The following CCDC7 variants were observed in gnomAD, a reference collection of about 807,000 sequenced individuals.
The protein encoded by CCDC7 is coiled-coil domain-containing protein 7.
A neutral mutation model predicts 196.9 loss-of-function variants in CCDC7; 183 were observed. The ratio of observed to expected loss-of-function variants is 0.93; its 90% confidence interval spans 0.82 to 1.05. The LOEUF is 1.05. Ranked by LOEUF, CCDC7 falls within the 50% of genes least tolerant of loss-of-function variation. The probability of loss-of-function intolerance (pLI) is 0.00; values close to 1 mark genes in which losing one functional copy is unlikely to be tolerated. For missense variants in CCDC7, 1,540 were observed against 1,482.2 expected, an observed-to-expected ratio of 1.04 and a Z score of -0.64; for synonymous variants, 525 against 484.6, an observed-to-expected ratio of 1.08 and a Z score of -1.10.
chr10:32,748,788 T>C (rs1225588730), intron 28 of CCDC7, among the ~76,000 whole-genome samples: 1 of 152,204 alleles, frequency 6.6e-6, no homozygotes, highest in Non-Finnish European at 1.5e-5. Flanking sequence ...GATAAAACCC[T>C]AGTCGGTTTG....
rs11009109 is a variant in CCDC7 at position 32,838,039 on chromosome 10, C to T, written c.3352+3141C>T. ...TGTATACATATGTAACAAACTTGCA[C>T]GTTGTGCACATGTACCTTAGAACTT... On this transcript the variant is annotated intron_variant, in intron 33 of 41. Coordinates refer to ENST00000639629, the Ensembl canonical transcript of CCDC7. 3.2e-3 allele frequency among the ~76,000 whole-genome samples: 488 copies of T among 151,960 alleles called. 1 individual carries two copies. Among genetic ancestry groups the T allele is most frequent in the African/African-American group, 0.011 (458 of 41,446 alleles).
chr10:32,499,360 C>G (rs2043488503), intron 9 of CCDC7: 1 of 152,028 alleles, frequency 6.6e-6, no homozygotes, highest in Admixed American at 6.6e-5. Flanking sequence ...ATTATTCTTT[C>G]AAAATAAATT....
intron 29 of CCDC7, among the ~76,000 whole-genome samples, chr10:32,799,366 G>C (rs1371565145): frequency 1.3e-5 from 2 of 152,172 alleles, no homozygotes; most frequent in African/African-American, 2.4e-5. Flanking sequence ...CATTGGGTAT[G>C]CTGGGTCATA....
chr10:32,597,189 A>C (rs899759611), intron 18 of CCDC7, among the ~76,000 whole-genome samples: 1 of 152,280 alleles, frequency 6.6e-6, no homozygotes, highest in Admixed American at 6.5e-5. Flanking sequence ...GGCTTTTCAC[A>C]TAGTCCCATA....
At chr10:32,546,457 C>T (rs2052473791) in intron 13 of CCDC7, among the ~76,000 whole-genome samples, 1 of 152,152 alleles carries the variant, frequency 6.6e-6, no homozygotes, top group Admixed American at 6.5e-5. Context: ...GGGGTAGAGA[C>T]AGCTAGATGT....
At chr10:32,458,725 A>G (rs1321772283) in intron 3 of CCDC7, among the ~76,000 whole-genome samples, 1 of 152,016 alleles carries the variant, frequency 6.6e-6, no homozygotes, top group Non-Finnish European at 1.5e-5. Flanking sequence ...TGCTTTGGCT[A>G]CTTAGGGTCT....
intron 18 of CCDC7, among the ~76,000 whole-genome samples, chr10:32,612,357 A>T (rs1246543482): frequency 5.0e-5 from 1 of 19,886 alleles, no homozygotes; most frequent in Admixed American, 9.2e-4. Flanking sequence ...CAATCATGTC[A>T]TCTGCAACAG....
intron 18 of CCDC7, among the ~76,000 whole-genome samples, chr10:32,592,836 G>A (rs562755105): frequency 1.3e-5 from 2 of 152,276 alleles, no homozygotes; most frequent in African/African-American, 4.8e-5. Flanking sequence ...TGCTGAAAAT[G>A]ATGGTTTCCA....
At chr10:32,866,607 AG>A (rs1161485277) in intron 41 of CCDC7, among the ~76,000 whole-genome samples, 3 of 151,690 alleles carry the variant, frequency 2.0e-5, no homozygotes, top group African/African-American at 7.2e-5. Context: ...TGAAATTAAA[AG>A]AAGGAAGAAA....
At chr10:32,836,467 C>T (rs1401515145) in intron 33 of CCDC7, among the ~76,000 whole-genome samples, 1 of 152,080 alleles carries the variant, frequency 6.6e-6, no homozygotes, top group Non-Finnish European at 1.5e-5. Flanking sequence ...CACTGACTTC[C>T]ACAATGGTTG....
chr10:32,706,463 T>G (rs1245157001), intron 24 of CCDC7, among the ~76,000 whole-genome samples: 1 of 151,834 alleles, frequency 6.6e-6, no homozygotes, highest in Non-Finnish European at 1.5e-5. Flanking sequence ...AGGAAATAAC[T>G]AAGATCAGAG....
intron 23 of CCDC7, among the ~76,000 whole-genome samples, chr10:32,690,921 G>A (rs2077007262): frequency 6.6e-6 from 1 of 152,168 alleles, no homozygotes; most frequent in South Asian, 2.1e-4. Flanking sequence ...GTTTGACCAA[G>A]GGTCATTTTG....
chr10:32,527,531 T>G (rs560570589), intron 11 of CCDC7, among the ~76,000 whole-genome samples: 1 of 152,348 alleles, frequency 6.6e-6, no homozygotes, highest in Non-Finnish European at 1.5e-5. Flanking sequence ...GCACATCATT[T>G]CTGCTTCACT....
intron 11 of CCDC7, among the ~76,000 whole-genome samples, chr10:32,534,272 G>T (rs2050132340): frequency 6.6e-6 from 1 of 152,048 alleles, no homozygotes; most frequent in African/African-American, 2.4e-5. Flanking sequence ...TTTTAAACTT[G>T]TTGTTAAATT....
chr10:32,681,032 T>G (rs910407930), intron 21 of CCDC7, among the ~76,000 whole-genome samples: 5 of 152,202 alleles, frequency 3.3e-5, no homozygotes, highest in African/African-American at 1.2e-4. Context: ...CTGAGTGCTT[T>G]CCTGGAGAGC....
At chr10:32,701,028 C>G (rs1241318085) in intron 24 of CCDC7, among the ~76,000 whole-genome samples, 1 of 152,138 alleles carries the variant, frequency 6.6e-6, no homozygotes, top group Non-Finnish European at 1.5e-5. Context: ...TCCTCTTTTC[C>G]TAATTGAATA....
At chr10:32,725,246 A>T in intron 25 of CCDC7, 1 of 449,668 alleles carries the variant, frequency 2.2e-6, no homozygotes, top group Non-Finnish European at 4.6e-6. Context: ...CAACTGATTT[A>T]TGCAGTTGCT....
chr10:32,654,403 T>A (rs1439315324), intron 20 of CCDC7, among the ~76,000 whole-genome samples: 1 of 152,244 alleles, frequency 6.6e-6, no homozygotes, highest in Admixed American at 6.5e-5. Flanking sequence ...ATTTTTTGTT[T>A]AAATTCTAAA....
At chr10:32,625,155 TA>T (rs2063862861) in intron 18 of CCDC7, among the ~76,000 whole-genome samples, 2 of 151,724 alleles carry the variant, frequency 1.3e-5, no homozygotes, top group African/African-American at 4.8e-5. Flanking sequence ...GTATTATGCT[TA>T]AAATTTTAAT....
Sources: gnomAD v4.1 joint callset for allele counts (sites outside exome capture counted in the v4.1 genomes callset) on GRCh38, gnomAD v4.1.1 for gene constraint, MANE v1.5 for transcripts, NCBI Gene and HGNC (gene_info 2026-07-23, HGNC 2026-07-21) for gene names.